Variants in GALNT10 observed in about 807,000 individuals in gnomAD.
GALNT10 encodes the protein GalNAc transferase 10.
A neutral mutation model predicts 75.0 loss-of-function variants in GALNT10; 41 were observed. The observed-to-expected ratio is 0.55, with a 90% CI of 0.43 to 0.71. The LOEUF (loss-of-function observed/expected upper bound fraction) is 0.71, where lower values mean the gene tolerates loss of function less well. GALNT10 is among the 30% of genes least tolerant of loss of function. The probability of loss-of-function intolerance (pLI) is 0.00; values close to 1 mark genes in which losing one functional copy is unlikely to be tolerated. For synonymous variants in GALNT10, 302 were observed against 313.0 expected, an observed-to-expected ratio of 0.96 and a Z score of 0.37; for missense variants, 727 against 818.5, an observed-to-expected ratio of 0.89 and a Z score of 1.36.
intron 1 of GALNT10, among the ~76,000 whole-genome samples, chr5:154,209,393 G>T (rs1775160033): frequency 6.6e-6 from 1 of 152,236 alleles, no homozygotes; most frequent in African/African-American, 2.4e-5. Context: ...GGCAGTGAAG[G>T]TGGGTTTGGG....
rs1582018379 is a variant in GALNT10, at chr5:154,409,281, T to C, written c.1165-260T>C. Among the ~76,000 whole-genome samples the C allele has an allele frequency of 6.6e-6, 1 of 152,258 alleles. No individual in the cohort carries two copies. Among genetic ancestry groups the C allele is most frequent in the South Asian group, 2.1e-4 (1 of 4,820 alleles). ...TCCCCAGAGGAAAATCAGTGGGGGC[T>C]ATCGCTAGAAGAAGATGGGATGGAA... On this transcript the variant is annotated intron_variant, in intron 8 of 11. Coordinates refer to ENST00000297107, the MANE Select transcript of GALNT10 (RefSeq NM_198321.4). The surrounding 1 kb of genome is among the most constrained non-coding windows in gnomAD (Gnocchi z 4.5).
In GALNT10 at chr5:154,383,729, C is replaced by T. The variant is rs114353188; in HGVS notation, c.939-2584C>T. Among the ~76,000 whole-genome samples the T allele has an allele frequency of 9.3e-3, 1,415 of 152,274 alleles. 10 individuals are homozygous for T. The highest frequency in any genetic ancestry group is 0.014 in the Non-Finnish European group (984 of 68,010). On this transcript the variant is annotated intron_variant, in intron 6 of 11. Transcript: ENST00000297107. ...CAGAAACACTGTCAGCCTTTCCAAG[C>T]GGTAGATTTGTGGCTCCAGCCAAAA... is the stretch of plus-strand genomic sequence containing the variant.
intron 3 of GALNT10, among the ~76,000 whole-genome samples, chr5:154,323,110 T>C (rs1160013297): frequency 6.6e-6 from 1 of 152,210 alleles, no homozygotes; most frequent in Non-Finnish European, 1.5e-5. Context: ...CAGCAAACTT[T>C]TTCTGTAACG....
chr5:154,347,478 C>G (rs1216157238), intron 4 of GALNT10, among the ~76,000 whole-genome samples: 1 of 151,810 alleles, frequency 6.6e-6, no homozygotes, highest in Non-Finnish European at 1.5e-5. Flanking sequence ...GTCATCCTAC[C>G]TCGCCTCCCA....
chr5:154,195,028 T>A (rs1248597847), intron 1 of GALNT10, among the ~76,000 whole-genome samples: 1 of 152,226 alleles, frequency 6.6e-6, no homozygotes, highest in East Asian at 1.9e-4. Context: ...TTTCTCAGGC[T>A]GTAGTCTAAG....
At position 154,380,511 on chromosome 5, in the gene GALNT10, A is replaced by G. The variant is rs747477375; in HGVS notation, c.818A>G (p.Asp273Gly). 1 of 1,614,016 alleles carries G rather than the reference A, an allele frequency of 6.2e-7. No individual in the cohort carries two copies. Reference protein sequence around the residue: ...CPMIDVIDHDDFRYETQAGDA... With the variant: ...CPMIDVIDHDGFRYETQAGDA... The stretch of plus-strand genomic sequence containing the variant: ...ATGATTGATGTAATTGACCATGACG[A>G]CTTTCGGTACGAGACACAGGCAGGG... Residue 273 changes from aspartate (D) to glycine (G), a missense_variant, in exon 6 of 12, where the codon GAC (aspartate) becomes GGC (glycine). Asp to Gly is a moderately conservative substitution (Grantham distance 94, BLOSUM62 -1). Transcript: ENST00000297107.
At position 154,375,003 on chromosome 5, in the gene GALNT10, T is replaced by C. The variant is rs60887214; in HGVS notation, c.569-1274T>C. On this transcript the variant is annotated intron_variant, in intron 4 of 11. Transcript: ENST00000297107. ...AAATAAAGTTAATAAAAAGTTTACCTTGTAAAATTTAGTTGACTTTTAAAA... is the reference window on the plus strand; with the variant it reads ...AAATAAAGTTAATAAAAAGTTTACCCTGTAAAATTTAGTTGACTTTTAAAA... Among the ~76,000 whole-genome samples the C allele has an allele frequency of 6.5e-3, 987 of 152,336 alleles. 9 individuals are homozygous for C. The highest frequency in any genetic ancestry group is 0.023 in the African/African-American group (959 of 41,572).
intron 4 of GALNT10, among the ~76,000 whole-genome samples, chr5:154,362,595 T>C (rs1006538993): frequency 3.3e-5 from 5 of 152,200 alleles, no homozygotes; most frequent in Non-Finnish European, 7.3e-5. Context: ...TCACCATTCT[T>C]AGAACCAATT....
At chr5:154,386,634 C>T (rs1755811633) in intron 7 of GALNT10, 1 of 615,638 alleles carries the variant, frequency 1.6e-6, no homozygotes, top group South Asian at 2.0e-5. Flanking sequence ...GGGGAGTACT[C>T]TCCAGCTGCC....
chr5:154,417,132 G>T lies in GALNT10; in HGVS notation c.*160G>T. On this transcript the variant is annotated 3_prime_UTR_variant, in exon 12 of 12. Coordinates refer to ENST00000297107, the MANE Select transcript of GALNT10 (RefSeq NM_198321.4). ...TGATTCAGGGGCTGGGGTCTGCCTG[G>T]TCCTTGAGCCCCTGAGTTGTGGGGG... 1 of 640,286 alleles carries T rather than the reference G, an allele frequency of 1.6e-6. No homozygotes were observed. Among genetic ancestry groups the T allele is most frequent in the South Asian group, 1.9e-5 (1 of 52,702 alleles). The allele number at this position is 640,286 out of a possible 1,614,324, so 39.7% of individuals were successfully genotyped here.
At chr5:154,322,194 G>C (rs2113108485) in intron 3 of GALNT10, among the ~76,000 whole-genome samples, 1 of 152,182 alleles carries the variant, frequency 6.6e-6, no homozygotes, top group East Asian at 1.9e-4. Context: ...TTCCTTTCTG[G>C]GAGGCTCTAG....
At chr5:154,410,724 G>C (rs1208018097) in intron 9 of GALNT10, among the ~76,000 whole-genome samples, 1 of 152,092 alleles carries the variant, frequency 6.6e-6, no homozygotes, top group East Asian at 1.9e-4. Flanking sequence ...CCGGTTTGAA[G>C]GGAAAGCAGG....
chr5:154,403,937 GCT>G, intron 7 of GALNT10, 165 bp from the exon 8 acceptor site: 1 of 685,122 alleles, frequency 1.5e-6, no homozygotes, highest in East Asian at 2.7e-5. Context: ...TGTTTTTACC[GCT>G]GTTATTATAT....
intron 1 of GALNT10, among the ~76,000 whole-genome samples, chr5:154,222,128 C>T (rs1221503698): frequency 6.6e-6 from 1 of 152,126 alleles, no homozygotes; most frequent in African/African-American, 2.4e-5. Context: ...CCATTCCTCT[C>T]TGTGTCCCCT....
chr5:154,398,737 T>C (rs55923536), intron 7 of GALNT10, among the ~76,000 whole-genome samples: 2,399 of 152,270 alleles, frequency 0.016, 73 homozygotes, highest in African/African-American at 0.054. Flanking sequence ...TCCTGCCCCC[T>C]GTTCCACAAA....
In GALNT10 at chr5:154,352,419, T is replaced by A. The variant is rs1404587530; in HGVS notation, c.568+22681T>A. ...AGTGCTTACTATGTCCCAGGTGTAG[T>A]TCTAAGTGAGTTACCCTCACATCTC... On this transcript the variant is annotated intron_variant, in intron 4 of 11. Coordinates refer to ENST00000297107, the MANE Select transcript of GALNT10 (RefSeq NM_198321.4). The surrounding 1 kb of genome is among the most constrained non-coding windows in gnomAD (Gnocchi z 4.4). Among the ~76,000 whole-genome samples, 1 of 152,002 alleles carries A rather than the reference T, an allele frequency of 6.6e-6. No homozygotes were observed. The highest frequency in any genetic ancestry group is 1.5e-5 in the Non-Finnish European group (1 of 67,958).
intron 1 of GALNT10, among the ~76,000 whole-genome samples, chr5:154,267,812 A>G (rs1367341238): frequency 6.6e-6 from 1 of 152,202 alleles, no homozygotes; most frequent in Admixed American, 6.5e-5. Flanking sequence ...CAAGAATTTA[A>G]GCATCCTTAG....
chr5:154,293,609 A>ATTTTTTTTTTTTTTTTT (rs1466080479), intron 1 of GALNT10, among the ~76,000 whole-genome samples: 2 of 122,706 alleles, frequency 1.6e-5, no homozygotes, highest in Non-Finnish European at 3.5e-5. Flanking sequence ...ATATATATAT[A>ATTTTTTTTTTTTTTTTT]TATATTTTTT....
intron 4 of GALNT10, among the ~76,000 whole-genome samples, chr5:154,367,839 C>T (rs1755500291): frequency 6.9e-6 from 1 of 144,908 alleles, no homozygotes; most frequent in African/African-American, 2.6e-5. Flanking sequence ...GCCTGGGTGA[C>T]AGAGCAAGAC....
Sources: allele counts gnomAD v4.1 joint callset (sites outside exome capture counted in the v4.1 genomes callset), GRCh38; gene constraint gnomAD v4.1.1; non-coding constraint Gnocchi (gnomAD v3.1); transcripts MANE v1.5; gene names NCBI Gene and HGNC (gene_info 2026-07-23, HGNC 2026-07-21).